F11: variants seen among roughly 807,000 people sequenced by gnomAD.
F11 encodes the protein coagulation factor XI.
A neutral mutation model predicts 76.5 loss-of-function variants in F11; 78 were observed. The observed-to-expected ratio is 1.02, with a 90% CI of 0.85 to 1.23. The LOEUF is 1.23. F11 is among the 50% of genes most tolerant of loss of function. The pLI, the probability that F11 is intolerant of heterozygous loss-of-function variation, is 0.00. For missense variants in F11, 742 were observed against 771.4 expected (o/e 0.96, Z 0.45); for synonymous variants, 278 against 276.3 (o/e 1.01, Z -0.06).
At chr4:186,268,436 A>T (rs939031606) in intron 2 of F11, among the ~76,000 whole-genome samples, 1 of 152,202 alleles carries the variant, frequency 6.6e-6, no homozygotes, top group African/African-American at 2.4e-5. Flanking sequence ...TTATACATGC[A>T]CATGGAACAT....
intron 7 of F11, among the ~76,000 whole-genome samples, chr4:186,277,903 A>AATCC (rs1206054764): frequency 1.3e-5 from 2 of 152,130 alleles, no homozygotes; most frequent in African/African-American, 4.8e-5. Flanking sequence ...AGGCTCAAGC[A>AATCC]ATCCACCCGT....
chr4:186,274,508 T>C (rs1256124736), intron 5 of F11: 21 of 564,348 alleles, frequency 3.7e-5, no homozygotes, highest in Non-Finnish European at 4.7e-5. Context: ...ATATATATAC[T>C]TGGCTAATTT....
chr4:186,276,480 T>G, intron 7 of F11, 90 bp downstream of exon 7: 1 of 1,460,350 alleles, frequency 6.8e-7, no homozygotes. Flanking sequence ...ACTAAAAATT[T>G]ACTCTAAATG....
rs774387687 is a variant in F11 at position 186,274,215 on chromosome 4, A to G, written c.425A>G (p.Asp142Gly). The G allele has an allele frequency of 1.2e-5, 19 of 1,614,134 alleles. No individual in the cohort carries two copies. The highest frequency in any genetic ancestry group is 1.4e-5 in the Non-Finnish European group (17 of 1,180,058). ...SAQECQERCTDDVHCHFFTYA... is the reference protein window; with the variant it reads ...SAQECQERCTGDVHCHFFTYA... ...CAAGAATGCCAAGAAAGATGCACGGATGACGTCCACTGCCACTTTTTCACG... is the reference window on the plus strand; with the variant it reads ...CAAGAATGCCAAGAAAGATGCACGGGTGACGTCCACTGCCACTTTTTCACG... Residue 142 changes from aspartate to glycine, a missense_variant, in exon 5 of 15, where the codon GAT (aspartate) becomes GGT (glycine). Asp to Gly is a moderately conservative substitution (Grantham distance 94, BLOSUM62 -1). Coordinates refer to ENST00000403665, the MANE Select transcript of F11 (RefSeq NM_000128.4).
intron 10 of F11, chr4:186,282,455 C>G (rs1434312602): frequency 2.0e-6 from 2 of 985,214 alleles, no homozygotes; most frequent in African/African-American, 3.5e-5. Context: ...GGTGCCTTGT[C>G]TGTCACTGGT....
Position 186,285,621 on chromosome 4 carries a change from T to C in F11, c.1305-17T>C. The C allele has an allele frequency of 6.2e-7, 1 of 1,613,322 alleles. No homozygotes were observed. Among genetic ancestry groups the C allele is most frequent in the East Asian group, 2.2e-5 (1 of 44,868 alleles). ...TTAGTAAAGGAAATTTCTTTCCCTC[T>C]GTTGTTTGCTCCTTAGGGTAGAGTC... On this transcript the variant is annotated splice_polypyrimidine_tract_variant and intron_variant, in intron 11 of 14. Coordinates refer to ENST00000403665, the MANE Select transcript of F11 (RefSeq NM_000128.4).
chr4:186,282,432 G>A (rs1740874692), intron 10 of F11: 10 of 985,378 alleles, frequency 1.0e-5, no homozygotes, highest in Non-Finnish European at 1.2e-5. Flanking sequence ...GAATAGCTGC[G>A]TGAGATATTT....
At chr4:186,285,923 A>G in intron 12 of F11, 110 bp downstream of exon 12, 1 of 1,203,794 alleles carries the variant, frequency 8.3e-7, no homozygotes, top group Non-Finnish European at 1.2e-6. Flanking sequence ...CGTTATCATC[A>G]TGAAAGGGAG....
chr4:186,271,963 A>C (rs1352069639), intron 3 of F11, among the ~76,000 whole-genome samples, 192 bp downstream of exon 3: 1 of 152,198 alleles, frequency 6.6e-6, no homozygotes, highest in Non-Finnish European at 1.5e-5. Flanking sequence ...ATATGCCTCC[A>C]AGTGTAGACT....
At chr4:186,287,384 G>A (rs1183389020) in intron 13 of F11, among the ~76,000 whole-genome samples, 2 of 151,412 alleles carry the variant, frequency 1.3e-5, no homozygotes, top group Non-Finnish European at 2.9e-5. Context: ...AGGAGTTCAA[G>A]ACTGGCCTGG....
chr4:186,267,011 C>G, intron 1 of F11, 125 bp from the exon 2 acceptor site: 3 of 708,282 alleles, frequency 4.2e-6, no homozygotes, highest in Admixed American at 4.1e-5. Context: ...ATAATGAGAA[C>G]ACTGTGAATG....
At chr4:186,275,245 C>A in intron 5 of F11, 1 of 452,352 alleles carries the variant, frequency 2.2e-6, no homozygotes, top group Non-Finnish European at 4.4e-6. Context: ...AATCCCAGCA[C>A]TTTGGGAGGC....
At chr4:186,287,123 A>C (rs557102729) in intron 13 of F11, among the ~76,000 whole-genome samples, 114 of 151,794 alleles carry the variant, frequency 7.5e-4, no homozygotes, top group African/African-American at 2.6e-3. Flanking sequence ...ATAGGTACCC[A>C]ACCACCACCC....
intron 7 of F11, among the ~76,000 whole-genome samples, chr4:186,277,610 C>T (rs1389848156): frequency 1.3e-5 from 2 of 151,932 alleles, no homozygotes; most frequent in Non-Finnish European, 2.9e-5. Context: ...AATGTCAAAC[C>T]CAAAGTGGAG....
At chr4:186,280,631 T>A in intron 10 of F11, 51 bp downstream of exon 10, 1 of 1,349,576 alleles carries the variant, frequency 7.4e-7, no homozygotes, top group Non-Finnish European at 1.1e-6. Flanking sequence ...TATTCCATGC[T>A]TCATACATCA....
intron 13 of F11, among the ~76,000 whole-genome samples, chr4:186,287,262 C>CTG (rs1209330719): frequency 2.0e-5 from 3 of 151,858 alleles, no homozygotes; most frequent in Non-Finnish European, 2.9e-5. Flanking sequence ...GCGTGAGCCC[C>CTG]CACACCCGTC....
chr4:186,277,394 T>A (rs888392820), intron 7 of F11, among the ~76,000 whole-genome samples: 1 of 152,098 alleles, frequency 6.6e-6, no homozygotes, highest in Non-Finnish European at 1.5e-5. Context: ...CTTTGTGACA[T>A]GATTTTTTTT....
intron 11 of F11, among the ~76,000 whole-genome samples, chr4:186,284,936 C>A (rs1334721287): frequency 2.0e-5 from 3 of 152,116 alleles, no homozygotes; most frequent in Non-Finnish European, 4.4e-5. Context: ...AGCAACAGAG[C>A]AAGACCCTAT....
chr4:186,283,478 T>C (rs1740942881), intron 10 of F11, among the ~76,000 whole-genome samples: 1 of 151,990 alleles, frequency 6.6e-6, no homozygotes. Context: ...TCCCAAACTG[T>C]CAACAAGGCC....
Sources: gnomAD v4.1 joint callset for allele counts (sites outside exome capture counted in the v4.1 genomes callset) on GRCh38, gnomAD v4.1.1 for gene constraint, MANE v1.5 for transcripts, NCBI Gene and HGNC (gene_info 2026-07-23, HGNC 2026-07-21) for gene names.